CFAP54: variants seen among roughly 807,000 people sequenced by gnomAD.
CFAP54 encodes the protein cilia and flagella associated protein 54, also known as cilia- and flagella-associated protein 54.
CFAP54 carries 290 observed loss-of-function variants against 370.4 expected under a neutral mutation model. That is an observed-to-expected ratio of 0.78 (90% CI 0.71 to 0.86). CFAP54 has a LOEUF of 0.86. CFAP54 is among the 40% of genes least tolerant of loss of function. The pLI, the probability that CFAP54 is intolerant of heterozygous loss-of-function variation, is 0.00. For synonymous variants in CFAP54, 1,206 were observed against 1,236.5 expected, an observed-to-expected ratio of 0.98 and a Z score of 0.52; for missense variants, 3,399 against 3,528.7, an observed-to-expected ratio of 0.96 and a Z score of 0.93.
intron 1 of CFAP54, among the ~76,000 whole-genome samples, chr12:96,491,834 A>G (rs188734606): frequency 3.3e-5 from 5 of 152,290 alleles, no homozygotes; most frequent in Admixed American, 1.3e-4. Flanking sequence ...ATCTCAGCTT[A>G]CTGCAACCTC....
Position 96,625,798 on chromosome 12 carries a change from G to T in CFAP54, c.3967G>T (p.Val1323Leu). 2 of 1,534,036 alleles carry T rather than the reference G, an allele frequency of 1.3e-6. No homozygotes were observed. Among genetic ancestry groups the T allele is most frequent in the Non-Finnish European group, 1.7e-6 (2 of 1,145,200 alleles). Reference sequence around the variant, plus strand: ...TTTGAATTGGTCGGTCAAAGGTGCCGTGAAAGAAGGTAGGTGAACTGGATG... The same window carrying T: ...TTTGAATTGGTCGGTCAAAGGTGCCTTGAAAGAAGGTAGGTGAACTGGATG... Reference protein sequence around the residue: ...VVLNWSVKGAVKEVMKFKQKP... With the variant: ...VVLNWSVKGALKEVMKFKQKP... Residue 1323 changes from valine to leucine, a missense_variant, in exon 29 of 68, where the codon GTG becomes TTG. Val to Leu is a conservative substitution (Grantham distance 32, BLOSUM62 1). Transcript: ENST00000524981.
chr12:96,862,425 G>T (rs1407473289), intron 67 of CFAP54, among the ~76,000 whole-genome samples: 1 of 152,130 alleles, frequency 6.6e-6, no homozygotes, highest in Non-Finnish European at 1.5e-5. Flanking sequence ...AAGACTTCAG[G>T]ATTGAATCAG....
intron 63 of CFAP54, among the ~76,000 whole-genome samples, chr12:96,811,479 T>C (rs1368165070): frequency 6.6e-6 from 1 of 152,186 alleles, no homozygotes; most frequent in Non-Finnish European, 1.5e-5. Context: ...AAATATAAAC[T>C]TAATTGCAAT....
chr12:96,663,837 G>A lies in CFAP54; in HGVS notation c.5468G>A (p.Cys1823Tyr). ...TCACCTTTCTTTTTAAAGATAACTT[G>A]CCGAAATTTCATTGGGAAGCAGCTT... is the stretch of plus-strand genomic sequence containing the variant. ...YEAEYGEKIT[C>Y]RNFIGKQLKI... Residue 1823 changes from cysteine to tyrosine, a missense_variant, in exon 39 of 68, where the codon TGC becomes TAC. Physicochemically the swap from Cys to Tyr is radical, Grantham distance 194 (BLOSUM62 -2). Coordinates refer to ENST00000524981, the MANE Select transcript of CFAP54 (RefSeq NM_001306084.2). 1 of 1,611,428 alleles carries A rather than the reference G, an allele frequency of 6.2e-7. No individual in the cohort carries two copies. The highest frequency in any genetic ancestry group is 8.5e-7 in the Non-Finnish European group (1 of 1,178,530).
At chr12:96,845,465 C>A (rs1959313005) in intron 66 of CFAP54, among the ~76,000 whole-genome samples, 1 of 152,202 alleles carries the variant, frequency 6.6e-6, no homozygotes, top group Non-Finnish European at 1.5e-5. Context: ...CAACTTCTTT[C>A]AACTGAAGGA....
chr12:96,712,945 A>G (rs1202439796), intron 48 of CFAP54, among the ~76,000 whole-genome samples: 1 of 152,218 alleles, frequency 6.6e-6, no homozygotes, highest in Non-Finnish European at 1.5e-5. Flanking sequence ...AATACTTAAC[A>G]TCACTAATAA....
chr12:96,534,036 T>G (rs1275941407), intron 10 of CFAP54, 26 bp from the exon 11 acceptor site: 1 of 1,502,740 alleles, frequency 6.7e-7, no homozygotes, highest in Admixed American at 2.3e-5. Context: ...AATTACTAAT[T>G]AACGTGTGGG....
chr12:96,772,372 C>G (rs148871810), intron 60 of CFAP54, among the ~76,000 whole-genome samples: 20 of 152,288 alleles, frequency 1.3e-4, no homozygotes, highest in African/African-American at 4.3e-4. Context: ...TGTTTCCTTG[C>G]ATTTCCCAGC....
intron 62 of CFAP54, among the ~76,000 whole-genome samples, chr12:96,787,302 T>G (rs1294655430): frequency 6.6e-6 from 1 of 150,782 alleles, no homozygotes; most frequent in Non-Finnish European, 1.5e-5. Context: ...AATTATTCAT[T>G]GTGAGTACCT....
intron 36 of CFAP54, among the ~76,000 whole-genome samples, chr12:96,655,488 A>G (rs538248162): frequency 3.5e-4 from 53 of 152,320 alleles, no homozygotes; most frequent in African/African-American, 1.0e-3. Flanking sequence ...TGGAGGATCA[A>G]GAGCACCTTA....
intron 48 of CFAP54, among the ~76,000 whole-genome samples, chr12:96,712,627 A>G (rs114085654): frequency 0.011 from 1,654 of 152,140 alleles, 30 homozygotes; most frequent in African/African-American, 0.036. Flanking sequence ...TATTTCTTCT[A>G]TCTAATTTTA....
At chr12:96,793,169 G>A (rs919985808) in intron 63 of CFAP54, among the ~76,000 whole-genome samples, 1 of 151,864 alleles carries the variant, frequency 6.6e-6, no homozygotes, top group Non-Finnish European at 1.5e-5. Flanking sequence ...AATGTACACT[G>A]TACCCTGCCT....
chr12:96,593,530 G>T (rs546613083), intron 24 of CFAP54, among the ~76,000 whole-genome samples: 1 of 152,020 alleles, frequency 6.6e-6, no homozygotes, highest in Non-Finnish European at 1.5e-5. Context: ...CTACTAAATT[G>T]CCTTCAGTTT....
chr12:96,511,870 A>C (rs766792469), intron 4 of CFAP54, among the ~76,000 whole-genome samples: 14 of 152,320 alleles, frequency 9.2e-5, no homozygotes, highest in Middle Eastern at 3.4e-3. Context: ...TTTATAGAAA[A>C]TATTTAGACT....
chr12:96,676,681 G>A (rs973344411), intron 39 of CFAP54, among the ~76,000 whole-genome samples: 1 of 152,098 alleles, frequency 6.6e-6, no homozygotes, highest in East Asian at 1.9e-4. Flanking sequence ...GAGTAGCTGG[G>A]ACTACAGGCG....
intron 39 of CFAP54, among the ~76,000 whole-genome samples, chr12:96,678,863 A>T (rs146368042): frequency 2.0e-5 from 3 of 152,166 alleles, no homozygotes; most frequent in Non-Finnish European, 2.9e-5. Flanking sequence ...GTAAGTTGCT[A>T]TACTGTTAAG....
At chr12:96,669,589 G>A (rs1448267788) in intron 39 of CFAP54, among the ~76,000 whole-genome samples, 1 of 152,198 alleles carries the variant, frequency 6.6e-6, no homozygotes. Context: ...GGATGGGTGA[G>A]GAAGGGAGGA....
chr12:96,706,814 G>A (rs571479777), intron 47 of CFAP54, among the ~76,000 whole-genome samples: 1 of 152,110 alleles, frequency 6.6e-6, no homozygotes, highest in South Asian at 2.1e-4. Context: ...GTGTTTGTGT[G>A]CGCACGTGTG....
intron 66 of CFAP54, among the ~76,000 whole-genome samples, chr12:96,838,027 G>C (rs7971729): frequency 6.6e-6 from 1 of 152,086 alleles, no homozygotes; most frequent in Non-Finnish European, 1.5e-5. Flanking sequence ...TAAGTTAGTG[G>C]GTGCTCTTAT....
Sources: gnomAD v4.1 joint callset for allele counts (sites outside exome capture counted in the v4.1 genomes callset) on GRCh38, gnomAD v4.1.1 for gene constraint, MANE v1.5 for transcripts, NCBI Gene and HGNC (gene_info 2026-07-23, HGNC 2026-07-21) for gene names.